Variants in PRKG1 observed in about 807,000 individuals in gnomAD.
PRKG1 encodes the protein cGMP-dependent protein kinase 1.
PRKG1 carries 35 observed loss-of-function variants against 88.1 expected under a neutral mutation model. The ratio of observed to expected loss-of-function variants is 0.40; its 90% CI spans 0.30 to 0.53. The LOEUF (loss-of-function observed/expected upper bound fraction) is 0.53. Ranked by LOEUF, PRKG1 falls within the 20% of genes least tolerant of loss-of-function variation. The pLI, the probability that PRKG1 is intolerant of heterozygous loss-of-function variation, is 0.59. For missense variants in PRKG1, 540 were observed against 839.8 expected, an observed-to-expected ratio of 0.64 and a Z score of 4.41; for synonymous variants, 303 against 292.5, an observed-to-expected ratio of 1.04 and a Z score of -0.37.
chr10:51,414,164 A>G (rs559740526), intron 2 of PRKG1, among the ~76,000 whole-genome samples: 6 of 152,306 alleles, frequency 3.9e-5, no homozygotes, highest in South Asian at 2.1e-4. Context: ...CCCTACAGCA[A>G]TGTGCCCCGT....
chr10:51,796,803 G>A (rs934955958), intron 3 of PRKG1, among the ~76,000 whole-genome samples: 3 of 151,940 alleles, frequency 2.0e-5, no homozygotes, highest in African/African-American at 7.2e-5. Flanking sequence ...GACCTAGTTA[G>A]GACAAAAAAG....
chr10:51,835,235 T>TGGA (rs1564667470), intron 4 of PRKG1, among the ~76,000 whole-genome samples: 1 of 152,202 alleles, frequency 6.6e-6, no homozygotes, highest in African/African-American at 2.4e-5. Context: ...CTTGACAAGC[T>TGGA]GGATGGGAAG....
rs1349772245 is a variant in PRKG1 at position 52,034,176 on chromosome 10, C to CGATGG, written c.763-20308_763-20307insGATGG. ...GTACATGTGCAAATCACAGGGGATG[C>CGATGG]CATGGCTTGGCTTGGGCTCAGAGGC... is the stretch of plus-strand genomic sequence containing the variant. On this transcript the variant is annotated intron_variant, in intron 5 of 17. Coordinates refer to ENST00000373980, the MANE Select transcript of PRKG1 (RefSeq NM_006258.4). Among the ~76,000 whole-genome samples the CGATGG allele has an allele frequency of 2.6e-5, 4 of 152,174 alleles. No individual in the cohort carries two copies. The East Asian group carries it at 7.7e-4, about 29-fold the overall frequency.
At chr10:52,237,515 T>A (rs1302706072) in intron 9 of PRKG1, among the ~76,000 whole-genome samples, 2 of 126,692 alleles carry the variant, frequency 1.6e-5, no homozygotes, top group African/African-American at 3.2e-5. Context: ...AGCATTCTTA[T>A]ACACCAACAA....
chr10:52,033,330 T>C (rs1183729003), intron 5 of PRKG1, among the ~76,000 whole-genome samples: 5 of 152,148 alleles, frequency 3.3e-5, no homozygotes. Flanking sequence ...TGATAAAACG[T>C]ACCTGGTCAA....
chr10:51,169,185 G>A (rs1465664173), intron 2 of PRKG1, among the ~76,000 whole-genome samples: 1 of 152,060 alleles, frequency 6.6e-6, no homozygotes, highest in Non-Finnish European at 1.5e-5. Flanking sequence ...ATCTTTTGAA[G>A]TCTCAGTACA....
chr10:52,036,587 G>A (rs1845616613), intron 5 of PRKG1, among the ~76,000 whole-genome samples: 1 of 151,506 alleles, frequency 6.6e-6, no homozygotes, highest in Non-Finnish European at 1.5e-5. Context: ...CAAGGAGGGA[G>A]TAGAGGTATC....
intron 5 of PRKG1, among the ~76,000 whole-genome samples, chr10:51,949,665 T>C (rs1404535632): frequency 6.6e-6 from 1 of 152,102 alleles, no homozygotes; most frequent in East Asian, 1.9e-4. Context: ...TATTGAGAAC[T>C]TCTTGCTTCC....
At chr10:52,166,837 ATG>A (rs1491525241) in intron 9 of PRKG1, among the ~76,000 whole-genome samples, 981 of 2,742 alleles carry the variant, frequency 0.36, 54 homozygotes, top group Admixed American at 0.43. Flanking sequence ...ATGTATATAT[ATG>A]TATATATATG....
At chr10:51,604,724 A>C (rs1838710331) in intron 3 of PRKG1, among the ~76,000 whole-genome samples, 1 of 152,134 alleles carries the variant, frequency 6.6e-6, no homozygotes, top group Non-Finnish European at 1.5e-5. Flanking sequence ...TCAAAACCCT[A>C]GGGGGAGCAT....
In PRKG1 at chr10:51,374,517, T is replaced by C. The variant is rs368611661; in HGVS notation, c.479-93206T>C. On this transcript the variant is annotated intron_variant, in intron 2 of 17. Transcript: ENST00000373980. ...GAGGTGTTTAGGTCTTGAGGACTCC[T>C]CCCACATAAATGGGATTAGGTGCCC... 2.6e-5 allele frequency among the ~76,000 whole-genome samples: 4 copies of C among 152,244 alleles called. No homozygotes were observed. In the East Asian group the frequency reaches 5.8e-4, roughly 22 times the overall value.
At chr10:51,613,102 A>G (rs114983650) in intron 3 of PRKG1, among the ~76,000 whole-genome samples, 1 of 151,394 alleles carries the variant, frequency 6.6e-6, no homozygotes, top group East Asian at 1.9e-4. Context: ...TGATATTAGT[A>G]CTTCTTTATA....
At chr10:51,853,045 A>T (rs1443854479) in intron 4 of PRKG1, among the ~76,000 whole-genome samples, 1 of 152,158 alleles carries the variant, frequency 6.6e-6, no homozygotes, top group Non-Finnish European at 1.5e-5. Flanking sequence ...TATACAAAAC[A>T]TGGTGATATA....
chr10:51,588,270 C>T (rs980161644), intron 3 of PRKG1, among the ~76,000 whole-genome samples: 4 of 152,164 alleles, frequency 2.6e-5, no homozygotes, highest in Admixed American at 2.6e-4. Context: ...ACACTATCAT[C>T]CATACCTTTG....
chr10:51,336,855 A>G (rs571151077), intron 2 of PRKG1, among the ~76,000 whole-genome samples: 1 of 152,348 alleles, frequency 6.6e-6, no homozygotes, highest in African/African-American at 2.4e-5. Context: ...TATAGATACA[A>G]TGCTATTCCC....
intron 3 of PRKG1, among the ~76,000 whole-genome samples, chr10:51,491,082 A>T (rs1319033777): frequency 6.6e-6 from 1 of 152,024 alleles, no homozygotes; most frequent in Non-Finnish European, 1.5e-5. Context: ...GCTTCTGCCT[A>T]TCCAAACCCT....
At chr10:51,965,044 G>A (rs1448788105) in intron 5 of PRKG1, among the ~76,000 whole-genome samples, 1 of 151,964 alleles carries the variant, frequency 6.6e-6, no homozygotes, top group Non-Finnish European at 1.5e-5. Context: ...ATAAAAGCAT[G>A]GAATAAACAG....
intron 2 of PRKG1, among the ~76,000 whole-genome samples, chr10:51,339,230 A>G (rs967926399): frequency 2.0e-5 from 3 of 152,178 alleles, no homozygotes; most frequent in African/African-American, 4.8e-5. Context: ...TTGAGCTTAT[A>G]AAGTACTTGC....
intron 2 of PRKG1, among the ~76,000 whole-genome samples, chr10:51,156,026 T>C (rs1846202963): frequency 6.6e-6 from 1 of 151,872 alleles, no homozygotes; most frequent in Non-Finnish European, 1.5e-5. Context: ...TCTTAAACCA[T>C]ATTTAATTTT....
Sources: gnomAD v4.1 joint callset for allele counts (sites outside exome capture counted in the v4.1 genomes callset) on GRCh38, gnomAD v4.1.1 for gene constraint, MANE v1.5 for transcripts, NCBI Gene and HGNC (gene_info 2026-07-23, HGNC 2026-07-21) for gene names.